Variants in LY6E observed in about 807,000 individuals in gnomAD.
LY6E encodes the protein lymphocyte antigen 6E.
A neutral mutation model predicts 7.7 loss-of-function variants in LY6E; 4 were observed. That is an observed-to-expected ratio of 0.52 (90% confidence interval 0.25 to 1.18). The LOEUF is 1.18. Ranked by LOEUF, LY6E falls within the 50% of genes most tolerant of loss-of-function variation. The pLI is 0.14. For synonymous variants in LY6E, 81 were observed against 80.1 expected, an observed-to-expected ratio of 1.01 and a Z score of -0.06; for missense variants, 156 against 168.0, an observed-to-expected ratio of 0.93 and a Z score of 0.40.
chr8:143,019,495 A>AC (rs530635715), intron 1 of LY6E, among the ~76,000 whole-genome samples: 39 of 151,870 alleles, frequency 2.6e-4, no homozygotes, highest in African/African-American at 7.0e-4. Context: ...CAGCTCAGGG[A>AC]CCCCCCCACA....
intron 1 of LY6E, chr8:143,020,342 T>G (rs969546566): frequency 3.9e-5 from 6 of 154,176 alleles, no homozygotes; most frequent in African/African-American, 1.4e-4. Context: ...GCTCAAGAGA[T>G]CCTCCCACCT....
rs1223453587 is a variant in LY6E, at chr8:143,021,593, T to C, written c.200T>C (p.Leu67Pro). Residue 67 changes from leucine (L) to proline (P), a missense_variant, in exon 4 of 4, where the codon CTG (leucine) becomes CCG (proline). Coordinates refer to ENST00000292494, the MANE Select transcript of LY6E (RefSeq NM_002346.3). ...IGNLVTFGHS[L>P]SKTCSPACPI... is the part of the protein sequence containing the mutation. ...AATCTCGTGACATTTGGCCACAGCC[T>C]GAGCAAGACCTGTTCCCCGGCCTGC... is the stretch of plus-strand genomic sequence containing the variant. 5 of 1,613,976 alleles carry C rather than the reference T, an allele frequency of 3.1e-6. No individual in the cohort carries two copies. Among genetic ancestry groups the C allele is most frequent in the Non-Finnish European group, 4.2e-6 (5 of 1,180,022 alleles).
intron 2 of LY6E, 133 bp downstream of exon 2, chr8:143,021,124 G>A: frequency 8.1e-7 from 1 of 1,241,752 alleles, no homozygotes; most frequent in Non-Finnish European, 1.1e-6. Context: ...ACCCGGCCTG[G>A]CCACACTGTC....
chr8:143,018,835 C>T (rs2130447405), intron 1 of LY6E: 1 of 152,440 alleles, frequency 6.6e-6, no homozygotes, highest in South Asian at 2.1e-4. Context: ...CCCCGCAGGC[C>T]TCCCCGAATG....
chr8:143,020,737 T>G, intron 1 of LY6E, 146 bp from the exon 2 acceptor site: 1 of 594,136 alleles, frequency 1.7e-6, no homozygotes, highest in Non-Finnish European at 3.0e-6. Flanking sequence ...GAGTGAGGAG[T>G]GGGTCAGGAG....
At chr8:143,021,066 G>A in intron 2 of LY6E, 75 bp downstream of exon 2, 5 of 1,540,998 alleles carry the variant, frequency 3.2e-6, no homozygotes, top group African/African-American at 2.7e-5. Flanking sequence ...CCTCTCCCCT[G>A]AGCAGACGCC....
chr8:143,018,843 A>T (rs1819138405), intron 1 of LY6E: 1 of 152,230 alleles, frequency 6.6e-6, no homozygotes, highest in Non-Finnish European at 1.5e-5. Context: ...GCCTCCCCGA[A>T]TGTTTCCAAA....
chr8:143,021,004 TGGGG>T lies in LY6E; in HGVS notation c.52+14_52+17del. On this transcript the variant is annotated intron_variant, in intron 2 of 3. Coordinates refer to ENST00000292494, the MANE Select transcript of LY6E (RefSeq NM_002346.3). Reference sequence around the variant, plus strand: ...GGTGTGGAGCGAGGTGAGGTGCCCTTGGGGACCCCAGACCTTTGTCCAGCTGTGC... The same window carrying T: ...GGTGTGGAGCGAGGTGAGGTGCCCTTACCCCAGACCTTTGTCCAGCTGTGC... 1 of 1,612,336 alleles carries T rather than the reference TGGGG, an allele frequency of 6.2e-7. No homozygotes were observed. Among genetic ancestry groups the T allele is most frequent in the Non-Finnish European group, 8.5e-7 (1 of 1,179,234 alleles).
At chr8:143,019,961 T>C (rs1476125349) in intron 1 of LY6E, among the ~76,000 whole-genome samples, 1 of 152,224 alleles carries the variant, frequency 6.6e-6, no homozygotes, top group Non-Finnish European at 1.5e-5. Context: ...CATCTGGCCC[T>C]TTCCTGCTGG....
In LY6E at chr8:143,022,074, C is replaced by T. The variant is rs1819239467; in HGVS notation, c.*285C>T. 1 of 537,218 alleles carries T rather than the reference C, an allele frequency of 1.9e-6. No homozygotes were observed. The highest frequency in any genetic ancestry group is 1.9e-5 in the African/African-American group (1 of 52,680). The allele number at this position is 537,218 out of a possible 1,614,324, so 33.3% of individuals were successfully genotyped here. On this transcript the variant is annotated 3_prime_UTR_variant, in exon 4 of 4. Coordinates refer to ENST00000292494, the MANE Select transcript of LY6E (RefSeq NM_002346.3). Reference sequence around the variant, plus strand: ...ACGGTCCAACATCAGGACCAAGTCCCATGGACATGCTGACAGGGTCCCCAG... The same window carrying T: ...ACGGTCCAACATCAGGACCAAGTCCTATGGACATGCTGACAGGGTCCCCAG...
At position 143,021,352 on chromosome 8, in the gene LY6E, A is replaced by G; in HGVS notation, c.91A>G (p.Ser31Gly). The part of the protein sequence containing the change: ...LMCFSCLNQK[S>G]NLYCLKPTIC... Reference sequence around the variant, plus strand: ...GTGCTTCTCCTGCTTGAACCAGAAGAGCAATCTGTACTGCCTGAAGCCGAC... The same window carrying G: ...GTGCTTCTCCTGCTTGAACCAGAAGGGCAATCTGTACTGCCTGAAGCCGAC... The change falls in exon 3 of 4, where the codon AGC becomes GGC. Residue 31 changes from serine (S) to glycine (G), a missense_variant. Coordinates refer to ENST00000292494, the MANE Select transcript of LY6E (RefSeq NM_002346.3). 1 of 1,613,912 alleles carries G rather than the reference A, an allele frequency of 6.2e-7. No homozygotes were observed. Among genetic ancestry groups the G allele is most frequent in the Non-Finnish European group, 8.5e-7 (1 of 1,180,004 alleles).
chr8:143,020,692 T>A (rs571179631), intron 1 of LY6E, among the ~76,000 whole-genome samples, 191 bp from the exon 2 acceptor site: 1 of 152,282 alleles, frequency 6.6e-6, no homozygotes, highest in South Asian at 2.1e-4. Context: ...CCTGCCAGGT[T>A]TCAGGAGGGA....
At chr8:143,020,358 T>C (rs1360356226) in intron 1 of LY6E, 1 of 154,102 alleles carries the variant, frequency 6.5e-6, no homozygotes, top group Non-Finnish European at 1.4e-5. Context: ...CACCTCAGCC[T>C]CCCAAGTAGC....
In LY6E at chr8:143,021,273, A is replaced by T. The variant is rs752495587; in HGVS notation, c.53-41A>T. ...CACTGGGGTCAGGCCTGGGAGGGACACTGGAGGCTTCCCTGAGACAGGTGT... is the reference window on the plus strand; with the variant it reads ...CACTGGGGTCAGGCCTGGGAGGGACTCTGGAGGCTTCCCTGAGACAGGTGT... On this transcript the variant is annotated intron_variant, in intron 2 of 3. Transcript: ENST00000292494. 9 of 1,603,058 alleles carry T rather than the reference A, an allele frequency of 5.6e-6. No individual in the cohort carries two copies. In the Admixed American group the frequency reaches 1.3e-4, roughly 24 times the overall value.
rs529355490 is a variant in LY6E, at chr8:143,019,484, A to T, written c.-58+898A>T. ...CCTGTATGCTAGGACTTCCTCAGAGACAGCTCAGGGACCCCCCCACACCAG... is the reference window on the plus strand; with the variant it reads ...CCTGTATGCTAGGACTTCCTCAGAGTCAGCTCAGGGACCCCCCCACACCAG... On this transcript the variant is annotated intron_variant, in intron 1 of 3. Transcript: ENST00000292494. Among the ~76,000 whole-genome samples, 53 of 152,252 alleles carry T rather than the reference A, an allele frequency of 3.5e-4. No individual in the cohort carries two copies. In the South Asian group the frequency reaches 8.5e-3, roughly 24 times the overall value.
intron 2 of LY6E, 44 bp from the exon 3 acceptor site, chr8:143,021,270 G>A: frequency 6.2e-7 from 1 of 1,601,052 alleles, no homozygotes; most frequent in South Asian, 1.1e-5. Context: ...GCCTGGGAGG[G>A]ACACTGGAGG....
At position 143,021,653 on chromosome 8, in the gene LY6E, C is replaced by A. The variant is rs752015782; in HGVS notation, c.260C>A (p.Ser87Tyr). The change falls in exon 4 of 4, where the codon TCC (serine) becomes TAC (tyrosine). Residue 87 changes from serine to tyrosine, a missense_variant. Ser to Tyr is a moderately radical substitution (Grantham distance 144). Coordinates refer to ENST00000292494, the MANE Select transcript of LY6E (RefSeq NM_002346.3). The part of the protein sequence containing the change: ...IPEGVNVGVA[S>Y]MGISCCQSFL... Reference sequence around the variant, plus strand: ...GAAGGCGTCAATGTTGGTGTGGCTTCCATGGGCATCAGCTGCTGCCAGAGC... The same window carrying A: ...GAAGGCGTCAATGTTGGTGTGGCTTACATGGGCATCAGCTGCTGCCAGAGC... 1 of 1,613,910 alleles carries A rather than the reference C, an allele frequency of 6.2e-7. No individual in the cohort carries two copies.
chr8:143,021,034 C>T (rs1021217756), intron 2 of LY6E, 43 bp downstream of exon 2: 69 of 1,601,616 alleles, frequency 4.3e-5, no homozygotes, highest in Non-Finnish European at 5.8e-5. Context: ...CCAGCTGTGC[C>T]CTGCTCCACT....
rs1130985 is a variant in LY6E at position 143,018,554 on chromosome 8, G to C, written c.-90G>C. ...AGAGCGCGCGAGGTTCGGGGAGCTC[G>C]GCCAGGCTGCTGGTACCTGCGTCCG... On this transcript the variant is annotated 5_prime_UTR_variant, in exon 1 of 4. Coordinates refer to ENST00000292494, the MANE Select transcript of LY6E (RefSeq NM_002346.3). 55,435 of 152,302 alleles carry C rather than the reference G, an allele frequency of 0.36. 10,478 individuals are homozygous for C. Among genetic ancestry groups the C allele is most frequent in the East Asian group, 0.56 (2,888 of 5,196 alleles). 9.4% of individuals were successfully genotyped at this position (152,302 alleles called of 1,614,324 possible).
Sources: gnomAD v4.1 joint callset for allele counts (sites outside exome capture counted in the v4.1 genomes callset) on GRCh38, gnomAD v4.1.1 for gene constraint, MANE v1.5 for transcripts, NCBI Gene and HGNC (gene_info 2026-07-23, HGNC 2026-07-21) for gene names.